Variants in KCNH5 observed in about 807,000 individuals in gnomAD.
KCNH5 encodes voltage-gated delayed rectifier potassium channel KCNH5.
KCNH5 carries 46 observed loss-of-function variants against 96.1 expected under a neutral mutation model. The observed-to-expected ratio is 0.48, with a 90% CI of 0.38 to 0.61. KCNH5 has a LOEUF of 0.61. KCNH5 is among the 20% of genes least tolerant of loss of function. KCNH5 has a pLI of 0.00. For missense variants in KCNH5, 907 were observed against 1,225.8 expected (o/e 0.74, Z 3.88); for synonymous variants, 439 against 449.8 (o/e 0.98, Z 0.30).
chr14:62,929,709 C>G (rs1348180836), intron 7 of KCNH5, among the ~76,000 whole-genome samples: 9 of 152,004 alleles, frequency 5.9e-5, no homozygotes. Flanking sequence ...ATCTTACATA[C>G]AGGGAAGATA....
intron 9 of KCNH5, among the ~76,000 whole-genome samples, chr14:62,799,991 A>G (rs753687041): frequency 1.5e-4 from 22 of 150,856 alleles, no homozygotes; most frequent in Non-Finnish European, 2.4e-4. Flanking sequence ...GGAGGAGGAG[A>G]AGAAGAGGAA....
At chr14:62,750,103 G>A (rs1468686343) in intron 10 of KCNH5, among the ~76,000 whole-genome samples, 1 of 152,130 alleles carries the variant, frequency 6.6e-6, no homozygotes, top group East Asian at 1.9e-4. Flanking sequence ...TAGTCTGTTT[G>A]CCAATCTTCA....
Position 62,712,615 on chromosome 14 carries a change from C to T in KCNH5, c.2020-4160G>A, listed in dbSNP as rs12435381. On this transcript the variant is annotated intron_variant, in intron 10 of 10. Coordinates refer to ENST00000322893, the MANE Select transcript of KCNH5 (RefSeq NM_139318.5). ...AACTTTTATACTTTCTCCTGGACTC[C>T]GTGAAAACTCGGATAGATGAATGGG... 266,950 of 750,650 alleles carry T rather than the reference C, an allele frequency of 0.36. 49,476 individuals are homozygous for T. The highest frequency in any genetic ancestry group is 0.48 in the South Asian group (33,946 of 70,028). 46.5% of individuals were successfully genotyped at this position (750,650 alleles called of 1,614,324 possible). A position where few individuals can be genotyped will look rare whatever the true frequency, so the allele number is the denominator to read the frequency against.
intron 7 of KCNH5, among the ~76,000 whole-genome samples, chr14:62,938,048 C>T (rs1224322953): frequency 1.3e-5 from 2 of 152,158 alleles, no homozygotes; most frequent in Admixed American, 6.5e-5. Context: ...ACCAGACCTG[C>T]CTCCTTTGCT....
At chr14:62,892,404 C>T (rs1888728638) in intron 7 of KCNH5, among the ~76,000 whole-genome samples, 1 of 152,082 alleles carries the variant, frequency 6.6e-6, no homozygotes, top group South Asian at 2.1e-4. Context: ...TGCAAGCTAC[C>T]AGAGATTGGT....
At position 62,795,778 on chromosome 14, in the gene KCNH5, G is replaced by A. The variant is rs112150712; in HGVS notation, c.1822+6551C>T. Among the ~76,000 whole-genome samples the A allele has an allele frequency of 1.8e-3, 278 of 152,206 alleles. 1 individual carries two copies. Among genetic ancestry groups the A allele is most frequent in the African/African-American group, 6.3e-3 (263 of 41,552 alleles). ...CTGTGCAGTGGGAGGATAAACAGGG[G>A]AAGGATAAAAATAGGAGGTACTAAG... On this transcript the variant is annotated intron_variant, in intron 9 of 10. Coordinates refer to ENST00000322893, the MANE Select transcript of KCNH5 (RefSeq NM_139318.5).
intron 10 of KCNH5, among the ~76,000 whole-genome samples, chr14:62,774,928 C>T (rs1310015769): frequency 6.6e-6 from 1 of 152,120 alleles, no homozygotes; most frequent in Non-Finnish European, 1.5e-5. Context: ...AAAAGAATTG[C>T]TCTAAATGCA....
intron 10 of KCNH5, among the ~76,000 whole-genome samples, chr14:62,775,277 G>A (rs1023411393): frequency 9.9e-5 from 15 of 152,142 alleles, no homozygotes; most frequent in Admixed American, 3.9e-4. Flanking sequence ...AAAATCTCAG[G>A]TTTCTAGCAC....
chr14:62,727,971 C>G (rs948660215), intron 10 of KCNH5, among the ~76,000 whole-genome samples: 1 of 149,284 alleles, frequency 6.7e-6, no homozygotes, highest in Non-Finnish European at 1.5e-5. Context: ...GCATAGCACA[C>G]GAGATACTCC....
intron 9 of KCNH5, among the ~76,000 whole-genome samples, chr14:62,802,073 G>A (rs912451342): frequency 6.6e-6 from 1 of 152,020 alleles, no homozygotes; most frequent in Admixed American, 6.6e-5. Flanking sequence ...GTTAGGCTGC[G>A]ACCACCTTTA....
intron 1 of KCNH5, among the ~76,000 whole-genome samples, chr14:63,044,782 G>A (rs974351897): frequency 6.6e-6 from 1 of 152,222 alleles, no homozygotes; most frequent in Non-Finnish European, 1.5e-5. Context: ...AAATGTGGGA[G>A]AAGGAAGAAC....
chr14:62,851,183 C>T (rs890791103), intron 7 of KCNH5, among the ~76,000 whole-genome samples: 8 of 152,038 alleles, frequency 5.3e-5, no homozygotes, highest in African/African-American at 1.9e-4. Context: ...CAGTGCAGGA[C>T]AATTTTTTAA....
intron 10 of KCNH5, among the ~76,000 whole-genome samples, chr14:62,749,422 T>A (rs1375682827): frequency 6.6e-6 from 1 of 152,190 alleles, no homozygotes; most frequent in African/African-American, 2.4e-5. Context: ...AAGGAGAACT[T>A]GATAGGGTCA....
intron 10 of KCNH5, among the ~76,000 whole-genome samples, chr14:62,767,370 A>G (rs1448094389): frequency 6.6e-6 from 1 of 152,210 alleles, no homozygotes; most frequent in Non-Finnish European, 1.5e-5. Flanking sequence ...AGACACACAC[A>G]TGCATATTTT....
At chr14:62,814,349 C>A (rs243138) in intron 8 of KCNH5, among the ~76,000 whole-genome samples, 2 of 152,172 alleles carry the variant, frequency 1.3e-5, no homozygotes, top group African/African-American at 4.8e-5. Context: ...AGAGCTTCTA[C>A]TGTGCTTTGC....
At chr14:62,756,766 GA>G (rs774246696) in intron 10 of KCNH5, among the ~76,000 whole-genome samples, 10 of 152,132 alleles carry the variant, frequency 6.6e-5, no homozygotes, top group Non-Finnish European at 1.3e-4. Context: ...AATGAAACTA[GA>G]CCCCTATCTT....
At chr14:62,725,676 G>A (rs920755019) in intron 10 of KCNH5, among the ~76,000 whole-genome samples, 7 of 152,160 alleles carry the variant, frequency 4.6e-5, no homozygotes, top group Non-Finnish European at 7.4e-5. Context: ...CAAATGCAGG[G>A]ATAGGTCATG....
At chr14:62,792,748 T>G (rs1267250240) in intron 9 of KCNH5, among the ~76,000 whole-genome samples, 1 of 151,690 alleles carries the variant, frequency 6.6e-6, no homozygotes, top group Non-Finnish European at 1.5e-5. Flanking sequence ...TCTGACATCC[T>G]GACTCAACCC....
rs2139638463 is a variant in KCNH5 at position 63,045,176 on chromosome 14, C to A, written c.11G>T (p.Gly4Val). The change falls in exon 1 of 11, where the codon GGC becomes GTC. Residue 4 changes from glycine to valine, a missense_variant. Transcript: ENST00000322893. The part of the protein sequence containing the change: MPG[G>V]KRGLVAPQNT... ...CTGCGGTGCCACCAGCCCTCTCTTG[C>A]CCCCCGGCATCCTGGGTCTGGAGAG... The A allele has an allele frequency of 6.2e-7, 1 of 1,612,888 alleles. No homozygotes were observed. Among genetic ancestry groups the A allele is most frequent in the East Asian group, 2.2e-5 (1 of 44,870 alleles).
Sources: allele counts gnomAD v4.1 joint callset (sites outside exome capture counted in the v4.1 genomes callset), GRCh38; gene constraint gnomAD v4.1.1; transcripts MANE v1.5; gene names NCBI Gene and HGNC (gene_info 2026-07-23, HGNC 2026-07-21).